SHROOM4: variants seen among roughly 807,000 people sequenced by gnomAD.
SHROOM4 encodes the protein protein Shroom4.
Under a neutral mutation model 80.3 loss-of-function variants are expected in SHROOM4, and 17 were observed. That is an observed-to-expected ratio of 0.21 (90% CI 0.14 to 0.32). The LOEUF is 0.32. SHROOM4 is among the 10% of genes least tolerant of loss of function. The pLI, the probability that SHROOM4 is intolerant of heterozygous loss-of-function variation, is 1.00. For missense variants in SHROOM4, 993 were observed against 1,140.3 expected (o/e 0.87, Z 1.86); for synonymous variants, 400 against 437.5 (o/e 0.91, Z 1.07).
Position 50,635,303 on chromosome X carries a change from C to A in SHROOM4, c.770G>T (p.Arg257Leu). 8.3e-7 allele frequency: 1 copy of A among 1,200,751 alleles called. No homozygotes were observed. Among genetic ancestry groups the A allele is most frequent in the Non-Finnish European group, 1.1e-6 (1 of 889,801 alleles). ...CCCTGACTGGTATCCCTCCTGTGGA[C>A]GGGATGACATCTGAGAGCTGGGGGT... ...HLTPSSQMSS[R>L]PQEGYQSGPA... Residue 257 changes from arginine to leucine, a missense_variant, in exon 4 of 9, where the codon CGT becomes CTT. Coordinates refer to ENST00000376020, the MANE Select transcript of SHROOM4 (RefSeq NM_020717.5).
chrX:50,768,750 T>C (rs1935332787), intron 1 of SHROOM4, among the ~76,000 whole-genome samples: 1 of 111,954 alleles, frequency 8.9e-6, no homozygotes, highest in Non-Finnish European at 1.9e-5. Flanking sequence ...ATGCTGAGCA[T>C]CTAAAGTAAA....
chrX:50,697,040 T>C (rs1933387061), intron 1 of SHROOM4, among the ~76,000 whole-genome samples: 1 of 111,870 alleles, frequency 8.9e-6, no homozygotes, highest in African/African-American at 3.2e-5. Flanking sequence ...AATCATTCCT[T>C]AAGTATTGAA....
intron 3 of SHROOM4, among the ~76,000 whole-genome samples, chrX:50,637,044 C>G (rs1039593078): frequency 9.0e-6 from 1 of 111,223 alleles, no homozygotes; most frequent in Admixed American, 9.5e-5. Context: ...AATATAGGGG[C>G]CTCTGCCCAC....
intron 1 of SHROOM4, among the ~76,000 whole-genome samples, chrX:50,748,649 C>A (rs1175860953): frequency 9.0e-6 from 1 of 111,436 alleles, no homozygotes; most frequent in East Asian, 2.8e-4. Context: ...CTTCTTTACT[C>A]TTGTCAAGTG....
chrX:50,701,695 C>T (rs1933522329), intron 1 of SHROOM4, among the ~76,000 whole-genome samples: 1 of 111,491 alleles, frequency 9.0e-6, no homozygotes, highest in Non-Finnish European at 1.9e-5. Flanking sequence ...ATTGTGTATA[C>T]TGGGGACACA....
At chrX:50,606,237 C>T (rs5915283) in intron 6 of SHROOM4, among the ~76,000 whole-genome samples, 1 of 101,487 alleles carries the variant, frequency 9.9e-6, no homozygotes, top group Admixed American at 1.1e-4. Flanking sequence ...CCCCCTCCCC[C>T]CCTCATGAAG....
At chrX:50,775,289 G>T (rs1205861114) in intron 1 of SHROOM4, among the ~76,000 whole-genome samples, 2 of 111,760 alleles carry the variant, frequency 1.8e-5, no homozygotes, top group Non-Finnish European at 3.8e-5. Flanking sequence ...ACAGTCAATG[G>T]TATCTAAAGG....
At chrX:50,730,070 G>A (rs1381325037) in intron 1 of SHROOM4, among the ~76,000 whole-genome samples, 1 of 112,019 alleles carries the variant, frequency 8.9e-6, no homozygotes, top group East Asian at 2.8e-4. Context: ...TTGTGTTAAA[G>A]GTTAATTGTG....
At chrX:50,654,941 T>C (rs2147352968) in intron 2 of SHROOM4, among the ~76,000 whole-genome samples, 2 of 102,396 alleles carry the variant, frequency 2.0e-5, no homozygotes, top group East Asian at 3.1e-4. Context: ...CCTCTGTCCT[T>C]CCCTCCCCTA....
Position 50,596,659 on chromosome X carries a change from G to T in SHROOM4, c.*36C>A, listed in dbSNP as rs782551497. 8.3e-7 allele frequency: 1 copy of T among 1,204,194 alleles called. No individual in the cohort carries two copies. The highest frequency in any genetic ancestry group is 1.8e-5 in the South Asian group (1 of 56,900). On this transcript the variant is annotated 3_prime_UTR_variant, in exon 9 of 9. Transcript: ENST00000376020. ...GAAGATTGAAAGCACTTCCCACATG[G>T]CTGGGCAGGGATGCTGTGGCAGAGT...
intron 1 of SHROOM4, among the ~76,000 whole-genome samples, chrX:50,714,454 T>A: frequency 9.0e-6 from 1 of 111,625 alleles, no homozygotes; most frequent in Middle Eastern, 4.6e-3. Flanking sequence ...ACAGAAATAA[T>A]AAATACTTAA....
intron 2 of SHROOM4, chrX:50,687,273 T>TTTTTTTTTTTC (rs1199082120): frequency 2.8e-5 from 3 of 107,588 alleles, no homozygotes; most frequent in African/African-American, 1.1e-4. Flanking sequence ...GTGTCTTTTT[T>TTTTTTTTTTTC]TTTTTTTTTT....
intron 1 of SHROOM4, among the ~76,000 whole-genome samples, chrX:50,715,348 G>C (rs1327990245): frequency 9.0e-6 from 1 of 111,310 alleles, no homozygotes; most frequent in Non-Finnish European, 1.9e-5. Flanking sequence ...TGTGTCCCCA[G>C]CACCTATGGG....
rs1246717154 is a variant in SHROOM4, at chrX:50,587,470, T to C, written c.*9225A>G. On this transcript the variant is annotated 3_prime_UTR_variant, in exon 9 of 9. Coordinates refer to ENST00000376020, the MANE Select transcript of SHROOM4 (RefSeq NM_020717.5). ...TGAAACATTATTCTCTGGTGAAAATTAATGCAAAAAATATTTTAGTTACTG... is the reference window on the plus strand; with the variant it reads ...TGAAACATTATTCTCTGGTGAAAATCAATGCAAAAAATATTTTAGTTACTG... 8.9e-6 allele frequency among the ~76,000 whole-genome samples: 1 copy of C among 112,356 alleles called. No homozygotes were observed. The highest frequency in any genetic ancestry group is 3.7e-4 in the South Asian group (1 of 2,699).
intron 1 of SHROOM4, among the ~76,000 whole-genome samples, chrX:50,744,476 A>G (rs781789135): frequency 8.9e-6 from 1 of 111,811 alleles, no homozygotes; most frequent in Non-Finnish European, 1.9e-5. Flanking sequence ...GATATTCTTT[A>G]TTTGATGAGT....
At chrX:50,712,901 G>C (rs782248787) in intron 1 of SHROOM4, among the ~76,000 whole-genome samples, 4 of 111,270 alleles carry the variant, frequency 3.6e-5, no homozygotes, top group Non-Finnish European at 7.5e-5. Flanking sequence ...TGAGAGAGGT[G>C]AAACAGTCTG....
In SHROOM4 at chrX:50,588,095, G is replaced by T. The variant is rs923978501; in HGVS notation, c.*8600C>A. Among the ~76,000 whole-genome samples the T allele has an allele frequency of 9.0e-6, 1 of 111,396 alleles. No individual in the cohort carries two copies. ...CAGTTCCTTCTCTATTGTTCTGAAG[G>T]GGGTGTTTTCTTGGGAGTATAGACT... On this transcript the variant is annotated 3_prime_UTR_variant, in exon 9 of 9. Coordinates refer to ENST00000376020, the MANE Select transcript of SHROOM4 (RefSeq NM_020717.5).
In SHROOM4 at chrX:50,592,675, G is replaced by T; in HGVS notation, c.*4020C>A. 8.3e-6 allele frequency: 1 copy of T among 120,758 alleles called. No individual in the cohort carries two copies. Among genetic ancestry groups the T allele is most frequent in the Non-Finnish European group, 1.7e-5 (1 of 57,483 alleles). The allele number at this position is 120,758 out of a possible 1,213,427, so 10.0% of individuals were successfully genotyped here. A position where few individuals can be genotyped will look rare whatever the true frequency, so the allele number is the denominator to read the frequency against. Reference sequence around the variant, plus strand: ...GTTGCCTTGGAGAGCAGATCACCAAGGCCCTTGCTTTCCAGGGAGCTGAGC... The same window carrying T: ...GTTGCCTTGGAGAGCAGATCACCAATGCCCTTGCTTTCCAGGGAGCTGAGC... On this transcript the variant is annotated 3_prime_UTR_variant, in exon 9 of 9. Transcript: ENST00000376020.
intron 1 of SHROOM4, among the ~76,000 whole-genome samples, chrX:50,704,492 C>A (rs782680159): frequency 4.5e-5 from 5 of 112,165 alleles, no homozygotes; most frequent in Non-Finnish European, 7.5e-5. Context: ...GATTAACTAT[C>A]TGGAATCTGA....
Sources: allele counts gnomAD v4.1 joint callset (sites outside exome capture counted in the v4.1 genomes callset), GRCh38; gene constraint gnomAD v4.1.1; transcripts MANE v1.5; gene names NCBI Gene and HGNC (gene_info 2026-07-23, HGNC 2026-07-21).